Variants in TSHZ2 observed in about 807,000 individuals in gnomAD.
TSHZ2 encodes the protein teashirt zinc finger homeobox 2.
In TSHZ2, 21 loss-of-function variants were observed where a neutral mutation model predicts 74.4. That is an observed-to-expected ratio of 0.28 (90% CI 0.20 to 0.41). The LOEUF (loss-of-function observed/expected upper bound fraction) is 0.41. TSHZ2 is among the 10% of genes least tolerant of loss of function. TSHZ2 has a pLI of 1.00. For missense variants in TSHZ2, 1,244 were observed against 1,293.5 expected, an observed-to-expected ratio of 0.96 and a Z score of 0.59; for synonymous variants, 540 against 515.3, an observed-to-expected ratio of 1.05 and a Z score of -0.65.
At chr20:53,006,576 G>A (rs1046576673) in intron 1 of TSHZ2, among the ~76,000 whole-genome samples, 1 of 152,190 alleles carries the variant, frequency 6.6e-6, no homozygotes, top group African/African-American at 2.4e-5. Context: ...TCACCATGCA[G>A]GAATCCATCA....
At chr20:53,334,809 G>A (rs1979879040) in intron 2 of TSHZ2, among the ~76,000 whole-genome samples, 1 of 151,800 alleles carries the variant, frequency 6.6e-6, no homozygotes, top group Non-Finnish European at 1.5e-5. Flanking sequence ...TCAGCCTCCC[G>A]AGTGGCTGGG....
intron 1 of TSHZ2, among the ~76,000 whole-genome samples, chr20:53,129,288 G>A (rs1031339766): frequency 6.6e-6 from 1 of 151,934 alleles, no homozygotes; most frequent in Non-Finnish European, 1.5e-5. Flanking sequence ...TTTAAATTTT[G>A]TGGGTACATG....
At chr20:53,374,627 T>G (rs549676639) in intron 2 of TSHZ2, among the ~76,000 whole-genome samples, 1 of 152,332 alleles carries the variant, frequency 6.6e-6, no homozygotes, top group South Asian at 2.1e-4. Flanking sequence ...TTCCCTTTTC[T>G]CTGCAAGCTC....
intron 2 of TSHZ2, among the ~76,000 whole-genome samples, chr20:53,444,210 C>G (rs1033957459): frequency 1.3e-5 from 2 of 152,190 alleles, no homozygotes; most frequent in Non-Finnish European, 2.9e-5. Flanking sequence ...ATTCTGAGCT[C>G]TGTTTGCTGA....
chr20:53,255,507 C>A lies in TSHZ2; in HGVS notation c.2049C>A (p.Ala683=). The change falls in exon 2 of 3, where the codon GCC becomes GCA. Residue 683 remains alanine (A), a synonymous_variant. Transcript: ENST00000371497. The surrounding 1 kb of genome is among the most constrained non-coding windows in gnomAD (Gnocchi z 4.1). Reference sequence around the variant, plus strand: ...CTCTGAGCAATGGGTGCGCCCTCGCCAACCACGCCCCGGCCCTGCCATGCA... The same window carrying A: ...CTCTGAGCAATGGGTGCGCCCTCGCAAACCACGCCCCGGCCCTGCCATGCA... ...TSALSNGCAL[A]NHAPALPCIN... The A allele has an allele frequency of 6.3e-7, 1 of 1,591,694 alleles. No individual in the cohort carries two copies. The highest frequency in any genetic ancestry group is 8.5e-7 in the Non-Finnish European group (1 of 1,171,456).
chr20:53,122,108 G>C (rs926070360), intron 1 of TSHZ2, among the ~76,000 whole-genome samples: 2 of 151,930 alleles, frequency 1.3e-5, no homozygotes, highest in African/African-American at 4.8e-5. Context: ...GCAACATGGA[G>C]AAACTCTGTC....
intron 2 of TSHZ2, among the ~76,000 whole-genome samples, chr20:53,322,766 T>A (rs1473218334): frequency 6.6e-6 from 1 of 152,124 alleles, no homozygotes. Context: ...CAGAATTCAG[T>A]ATAAAGCCAT....
intron 1 of TSHZ2, among the ~76,000 whole-genome samples, chr20:53,056,433 C>T (rs951970795): frequency 4.6e-5 from 7 of 152,188 alleles, no homozygotes; most frequent in South Asian, 2.1e-4. Flanking sequence ...TGTATCATTT[C>T]GCCCAATACC....
intron 1 of TSHZ2, among the ~76,000 whole-genome samples, chr20:53,004,929 C>G (rs1982582248): frequency 6.6e-6 from 1 of 152,150 alleles, no homozygotes; most frequent in South Asian, 2.1e-4. Flanking sequence ...GGAAATTCAT[C>G]TAAGACCAAA....
chr20:52,982,558 G>A (rs1221626001), intron 1 of TSHZ2, among the ~76,000 whole-genome samples: 1 of 152,164 alleles, frequency 6.6e-6, no homozygotes, highest in Non-Finnish European at 1.5e-5. Context: ...TATTGGCTGT[G>A]CATCTATTAT....
chr20:53,090,951 A>G (rs1985867811), intron 1 of TSHZ2, among the ~76,000 whole-genome samples: 1 of 152,232 alleles, frequency 6.6e-6, no homozygotes, highest in Non-Finnish European at 1.5e-5. Context: ...TCAAATAATA[A>G]AATACTTACC....
At chr20:53,231,521 A>G (rs1004400494) in intron 1 of TSHZ2, among the ~76,000 whole-genome samples, 1 of 152,230 alleles carries the variant, frequency 6.6e-6, no homozygotes, top group African/African-American at 2.4e-5. Flanking sequence ...GTGGATGTCC[A>G]GGAGAGTTGC....
chr20:53,310,132 A>G (rs537248769), intron 2 of TSHZ2, among the ~76,000 whole-genome samples: 1 of 152,368 alleles, frequency 6.6e-6, no homozygotes, highest in South Asian at 2.1e-4. Flanking sequence ...GAGACAGGAG[A>G]CCTGACTAAA....
chr20:53,037,692 A>G (rs1322207920), intron 1 of TSHZ2, among the ~76,000 whole-genome samples: 3 of 152,334 alleles, frequency 2.0e-5, no homozygotes, highest in African/African-American at 4.8e-5. Context: ...TGTGAATTCT[A>G]TGAATGAAGC....
At chr20:53,226,253 C>T (rs764574225) in intron 1 of TSHZ2, among the ~76,000 whole-genome samples, 2 of 151,750 alleles carry the variant, frequency 1.3e-5, no homozygotes, top group African/African-American at 4.8e-5. Context: ...TCAGCCTTGC[C>T]GTATTCTGTC....
At chr20:53,359,860 A>G (rs1980987868) in intron 2 of TSHZ2, among the ~76,000 whole-genome samples, 1 of 152,256 alleles carries the variant, frequency 6.6e-6, no homozygotes, top group Non-Finnish European at 1.5e-5. Flanking sequence ...ATGGTGAGCA[A>G]CAAAACCAGG....
intron 1 of TSHZ2, among the ~76,000 whole-genome samples, chr20:53,201,520 C>T (rs1285717532): frequency 6.6e-6 from 1 of 152,170 alleles, no homozygotes. Flanking sequence ...CTCATTTTGG[C>T]TACCTGGAAA....
At chr20:53,478,723 T>C (rs1986062124) in intron 2 of TSHZ2, among the ~76,000 whole-genome samples, 1 of 151,344 alleles carries the variant, frequency 6.6e-6, no homozygotes. Flanking sequence ...AAGAAAGAGC[T>C]CGTGGGGAGC....
intron 2 of TSHZ2, among the ~76,000 whole-genome samples, chr20:53,485,483 C>A (rs903473444): frequency 1.3e-5 from 2 of 151,946 alleles, no homozygotes; most frequent in Non-Finnish European, 2.9e-5. Context: ...CTGAGGCAGG[C>A]GGATCACTTG....
Sources: allele counts gnomAD v4.1 joint callset (sites outside exome capture counted in the v4.1 genomes callset), GRCh38; gene constraint gnomAD v4.1.1; non-coding constraint Gnocchi (gnomAD v3.1); transcripts MANE v1.5; gene names NCBI Gene and HGNC (gene_info 2026-07-23, HGNC 2026-07-21).